ZRANB3: variants seen among roughly 807,000 people sequenced by gnomAD.
ZRANB3 encodes the protein zinc finger RANBP2-type containing 3.
ZRANB3 carries 125 observed loss-of-function variants against 133.8 expected under a neutral mutation model. The ratio of observed to expected loss-of-function variants is 0.93; its 90% CI spans 0.81 to 1.08. The LOEUF (loss-of-function observed/expected upper bound fraction) is 1.08, where lower values mean the gene tolerates loss of function less well. Ranked by LOEUF, ZRANB3 falls within the 50% of genes least tolerant of loss-of-function variation. The pLI is 0.00. For missense variants in ZRANB3, 1,229 were observed against 1,275.5 expected (o/e 0.96, Z 0.56); for synonymous variants, 387 against 432.7 (o/e 0.89, Z 1.31).
intron 12 of ZRANB3, among the ~76,000 whole-genome samples, chr2:135,262,160 A>C (rs1573781523): frequency 5.1e-5 from 3 of 58,464 alleles, no homozygotes; most frequent in African/African-American, 4.1e-4. Flanking sequence ...CTCCATCTCC[A>C]AAAAAAAAAA....
chr2:135,364,817 G>A (rs1039893172), intron 3 of ZRANB3, among the ~76,000 whole-genome samples: 3 of 152,068 alleles, frequency 2.0e-5, no homozygotes, highest in South Asian at 2.1e-4. Context: ...TTGGGAGGCC[G>A]AGGCGGGCAG....
chr2:135,352,674 A>G (rs1685264205), intron 4 of ZRANB3, among the ~76,000 whole-genome samples: 1 of 152,172 alleles, frequency 6.6e-6, no homozygotes, highest in African/African-American at 2.4e-5. Context: ...TTTTATGTTA[A>G]CAGTCTTAGA....
chr2:135,489,417 C>T (rs1040815867), intron 2 of ZRANB3, among the ~76,000 whole-genome samples: 3 of 150,982 alleles, frequency 2.0e-5, no homozygotes, highest in African/African-American at 7.3e-5. Context: ...ATGTAACTAA[C>T]CTGCACATTG....
intron 6 of ZRANB3, among the ~76,000 whole-genome samples, chr2:135,335,201 G>A (rs1404477390): frequency 2.0e-5 from 3 of 152,004 alleles, no homozygotes; most frequent in East Asian, 3.9e-4. Flanking sequence ...TTTAGACAAC[G>A]AATTCTCCTT....
rs1365768351 is a variant in ZRANB3 at position 135,474,028 on chromosome 2, CA to C, written c.161+30300del. On this transcript the variant is annotated intron_variant, in intron 2 of 20. Coordinates refer to ENST00000264159, the MANE Select transcript of ZRANB3 (RefSeq NM_032143.4). ...AGTGAAACCCTGTCTCTACCAAAAA[CA>C]AAAATACGAAAAATAGCAGGGTGTG... 7.2e-5 allele frequency among the ~76,000 whole-genome samples: 11 copies of C among 151,938 alleles called. 1 individual carries two copies. Among genetic ancestry groups the C allele is most frequent in the African/African-American group, 2.2e-4 (9 of 41,422 alleles).
At position 135,217,722 on chromosome 2, in the gene ZRANB3, C is replaced by T. The variant is rs574847816; in HGVS notation, c.2353-115G>A. The T allele has an allele frequency of 2.7e-4, 336 of 1,255,382 alleles. No individual in the cohort carries two copies. In the Middle Eastern group the frequency reaches 4.9e-3, roughly 18 times the overall value. The allele number at this position is 1,255,382 out of a possible 1,614,324, so 77.8% of individuals were successfully genotyped here. A position where few individuals can be genotyped will look rare whatever the true frequency, so the allele number is the denominator to read the frequency against. On this transcript the variant is annotated intron_variant, in intron 16 of 20. Coordinates refer to ENST00000264159, the MANE Select transcript of ZRANB3 (RefSeq NM_032143.4). ...TATTTTGTTATGTCCCCCAAATAGG[C>T]TTTTGAGTTCCATAACCTAAGGCTT...
chr2:135,371,219 C>A (rs1224133348), intron 3 of ZRANB3, among the ~76,000 whole-genome samples: 1 of 152,266 alleles, frequency 6.6e-6, no homozygotes, highest in Middle Eastern at 3.4e-3. Flanking sequence ...CCATTCTTCC[C>A]ATTTTTAAAC....
chr2:135,349,638 C>T (rs1685104216), intron 5 of ZRANB3, among the ~76,000 whole-genome samples: 1 of 152,026 alleles, frequency 6.6e-6, no homozygotes, highest in African/African-American at 2.4e-5. Context: ...CAATCCCAAC[C>T]CTAAGAAGCT....
chr2:135,382,163 T>A (rs1452825333), intron 3 of ZRANB3, among the ~76,000 whole-genome samples: 1 of 152,186 alleles, frequency 6.6e-6, no homozygotes, highest in African/African-American at 2.4e-5. Flanking sequence ...CTGATGGAGC[T>A]GAAAACCATG....
intron 8 of ZRANB3, among the ~76,000 whole-genome samples, chr2:135,292,674 C>T (rs1286618119): frequency 6.6e-6 from 1 of 152,144 alleles, no homozygotes; most frequent in African/African-American, 2.4e-5. Context: ...CTTGCCCATG[C>T]CTATGTCTTA....
chr2:135,511,275 GC>G, intron 1 of ZRANB3: 1 of 1,025,420 alleles, frequency 9.8e-7, no homozygotes, highest in Non-Finnish European at 1.5e-6. Context: ...ATCCTCAGGA[GC>G]AGTTTCTTCT....
At chr2:135,344,930 G>T (rs895972723) in intron 6 of ZRANB3, among the ~76,000 whole-genome samples, 5 of 152,088 alleles carry the variant, frequency 3.3e-5, no homozygotes, top group African/African-American at 4.8e-5. Flanking sequence ...CACCCAAAGG[G>T]TATCTTCAGA....
intron 5 of ZRANB3, among the ~76,000 whole-genome samples, chr2:135,347,273 T>C (rs1353454851): frequency 6.6e-6 from 1 of 151,088 alleles, no homozygotes. Context: ...TAATTTTTGG[T>C]GAGAATTTGT....
chr2:135,420,728 T>A (rs1688808593), intron 2 of ZRANB3, among the ~76,000 whole-genome samples: 1 of 152,162 alleles, frequency 6.6e-6, no homozygotes, highest in African/African-American at 2.4e-5. Context: ...ATTCTCGGAA[T>A]AATCAAAATA....
At chr2:135,489,395 A>C (rs985127396) in intron 2 of ZRANB3, among the ~76,000 whole-genome samples, 1 of 151,658 alleles carries the variant, frequency 6.6e-6, no homozygotes, top group South Asian at 2.1e-4. Flanking sequence ...CCAGCATGGC[A>C]CATGTATACA....
intron 1 of ZRANB3, among the ~76,000 whole-genome samples, chr2:135,513,369 TA>T (rs1379191345): frequency 6.6e-6 from 1 of 152,168 alleles, no homozygotes; most frequent in Non-Finnish European, 1.5e-5. Flanking sequence ...GACAACCAGC[TA>T]GGTCAATGGA....
At chr2:135,380,380 G>A (rs13033450) in intron 3 of ZRANB3, among the ~76,000 whole-genome samples, 58 of 152,036 alleles carry the variant, frequency 3.8e-4, no homozygotes, top group African/African-American at 1.4e-3. Flanking sequence ...GCATCACATC[G>A]CACTTATTCT....
chr2:135,372,804 A>G (rs891341429), intron 3 of ZRANB3, among the ~76,000 whole-genome samples: 1 of 150,096 alleles, frequency 6.7e-6, no homozygotes, highest in African/African-American at 2.5e-5. Context: ...AAAAAAAAAA[A>G]GCCAGGTGCA....
intron 8 of ZRANB3, among the ~76,000 whole-genome samples, chr2:135,302,894 G>C (rs1195288492): frequency 6.6e-6 from 1 of 151,972 alleles, no homozygotes; most frequent in African/African-American, 2.4e-5. Context: ...TTTTCCTTAA[G>C]CAAGCATTCT....
Sources: allele counts gnomAD v4.1 joint callset (sites outside exome capture counted in the v4.1 genomes callset), GRCh38; gene constraint gnomAD v4.1.1; transcripts MANE v1.5; gene names NCBI Gene and HGNC (gene_info 2026-07-23, HGNC 2026-07-21).